PCDH9: variants seen among roughly 807,000 people sequenced by gnomAD.
PCDH9 encodes the protein protocadherin 9, also known as protocadherin-9.
Under a neutral mutation model 70.6 loss-of-function variants are expected in PCDH9, and 24 were observed. The observed-to-expected ratio is 0.34, with a 90% CI of 0.25 to 0.48. The LOEUF is 0.48. PCDH9 is among the 20% of genes least tolerant of loss of function. The pLI, the probability that PCDH9 is intolerant of heterozygous loss-of-function variation, is 0.99. For missense variants in PCDH9, 1,281 were observed against 1,503.6 expected, an observed-to-expected ratio of 0.85 and a Z score of 2.45; for synonymous variants, 562 against 558.5, an observed-to-expected ratio of 1.01 and a Z score of -0.09.
chr13:67,152,069 T>A (rs2087676496), intron 2 of PCDH9, among the ~76,000 whole-genome samples: 1 of 152,234 alleles, frequency 6.6e-6, no homozygotes, highest in Non-Finnish European at 1.5e-5. Context: ...TTGTATCTTC[T>A]TATAGCTGAA....
rs758654663 is a variant in PCDH9, at chr13:67,226,032, A to G, written c.2409T>C (p.Ser803=). 3.1e-6 allele frequency: 5 copies of G among 1,614,080 alleles called. No individual in the cohort carries two copies. In the Admixed American group the frequency reaches 6.7e-5, roughly 22 times the overall value. The change falls in exon 2 of 5, where the codon AGT becomes AGC. Residue 803 remains serine (S), a synonymous_variant. Coordinates refer to ENST00000377865, the MANE Select transcript of PCDH9 (RefSeq NM_203487.3). The surrounding 1 kb of genome is among the most constrained non-coding windows in gnomAD (Gnocchi z 5.0). The part of the protein sequence containing the change: ...ETPLDRNIGD[S]SQPYQNEDYL... ...AGTCCTCATTTTGATAGGGTTGGCT[A>G]CTATCCCCTATGTTCCTGTCCAACG...
intron 4 of PCDH9, among the ~76,000 whole-genome samples, chr13:66,560,309 G>C (rs1374391186): frequency 6.6e-6 from 1 of 152,054 alleles, no homozygotes; most frequent in Non-Finnish European, 1.5e-5. Context: ...TGCATGGGAA[G>C]GGGGAGGGGT....
At chr13:66,474,440 G>T (rs531793766) in intron 4 of PCDH9, among the ~76,000 whole-genome samples, 1 of 152,024 alleles carries the variant, frequency 6.6e-6, no homozygotes, top group East Asian at 1.9e-4. Context: ...ACTAACACAA[G>T]GTATAGTAGC....
chr13:66,580,724 C>A (rs566956552), intron 4 of PCDH9, among the ~76,000 whole-genome samples: 2 of 152,022 alleles, frequency 1.3e-5, no homozygotes, highest in South Asian at 4.2e-4. Context: ...GCCATAGAAA[C>A]GTACACTTTA....
At chr13:66,987,217 A>G (rs1404528415) in intron 2 of PCDH9, among the ~76,000 whole-genome samples, 1 of 152,016 alleles carries the variant, frequency 6.6e-6, no homozygotes, top group Non-Finnish European at 1.5e-5. Context: ...TAATATGTAT[A>G]TTTTGAGCTT....
intron 2 of PCDH9, among the ~76,000 whole-genome samples, chr13:67,100,291 A>T (rs2086405945): frequency 6.6e-6 from 1 of 152,192 alleles, no homozygotes; most frequent in Admixed American, 6.5e-5. Context: ...TAAAGAGGTA[A>T]TTTACTGAGT....
chr13:67,012,332 A>C (rs1317949332), intron 2 of PCDH9, among the ~76,000 whole-genome samples: 1 of 151,830 alleles, frequency 6.6e-6, no homozygotes, highest in African/African-American at 2.4e-5. Context: ...TATGTGTGAG[A>C]GAAAGAGAGA....
At chr13:67,125,489 A>G (rs998940450) in intron 2 of PCDH9, among the ~76,000 whole-genome samples, 2 of 152,298 alleles carry the variant, frequency 1.3e-5, no homozygotes, top group Non-Finnish European at 2.9e-5. Context: ...CCTTTGTTAC[A>G]GAAATATTAA....
chr13:66,929,331 A>G (rs1221325353), intron 2 of PCDH9, among the ~76,000 whole-genome samples: 2 of 151,122 alleles, frequency 1.3e-5, no homozygotes, highest in Non-Finnish European at 3.0e-5. Flanking sequence ...TTAATTTTTT[A>G]TATATTTTTT....
intron 2 of PCDH9, among the ~76,000 whole-genome samples, chr13:66,958,737 T>A (rs2083300656): frequency 1.3e-5 from 2 of 152,172 alleles, no homozygotes; most frequent in Non-Finnish European, 2.9e-5. Context: ...GGCACAGAGC[T>A]TTGCTGCTGT....
chr13:66,756,864 C>A (rs2139238916), intron 3 of PCDH9, among the ~76,000 whole-genome samples: 1 of 152,170 alleles, frequency 6.6e-6, no homozygotes, highest in African/African-American at 2.4e-5. Context: ...AGACAGAGTC[C>A]TAGCTCCATC....
intron 3 of PCDH9, among the ~76,000 whole-genome samples, chr13:66,674,370 T>C (rs2078215600): frequency 6.6e-6 from 1 of 152,096 alleles, no homozygotes. Flanking sequence ...GAACAATTTA[T>C]ATTGCTAGCA....
rs551542423 is a variant in PCDH9, at chr13:67,121,884, G to GT, written c.3036+103520dup. ...GCTCTAGATTTTTGTTTGTTTTGTT[G>GT]TTTTTTTAAAATGGCATCCTTGATT... On this transcript the variant is annotated intron_variant, in intron 2 of 4. Transcript: ENST00000377865. 2.6e-3 allele frequency among the ~76,000 whole-genome samples: 389 copies of GT among 151,112 alleles called. 3 individuals carry two copies. Among genetic ancestry groups the GT allele is most frequent in the African/African-American group, 9.0e-3 (368 of 40,684 alleles).
rs1439397157 is a variant in PCDH9, at chr13:67,059,368, G to GTA, written c.3037-155764_3037-155763insTA. Among the ~76,000 whole-genome samples, 146 of 121,082 alleles carry GTA rather than the reference G, an allele frequency of 1.2e-3. 7 individuals carry two copies. The South Asian group carries it at 0.041, about 34-fold the overall frequency. 79.4% of individuals were successfully genotyped at this position (121,082 alleles called of 152,430 possible). ...TATATATATATTATATATATATAGT[G>GTA]TGTATATATATATATAGTATATAGT... On this transcript the variant is annotated intron_variant, in intron 2 of 4. Transcript: ENST00000377865.
chr13:66,336,487 A>G (rs1208988159), intron 4 of PCDH9, among the ~76,000 whole-genome samples: 3 of 152,080 alleles, frequency 2.0e-5, no homozygotes, highest in Middle Eastern at 3.2e-3. Context: ...TTTGGAATTA[A>G]AAGTTTATTA....
At chr13:66,770,018 C>A (rs7337592) in intron 3 of PCDH9, among the ~76,000 whole-genome samples, 1 of 151,758 alleles carries the variant, frequency 6.6e-6, no homozygotes, top group African/African-American at 2.4e-5. Flanking sequence ...TAAAAACAAA[C>A]CTCTATTGAG....
intron 2 of PCDH9, among the ~76,000 whole-genome samples, chr13:67,051,461 C>T (rs937576082): frequency 4.6e-5 from 6 of 130,316 alleles, no homozygotes; most frequent in African/African-American, 6.0e-5. Context: ...GGTGTGATCT[C>T]GGCTCACTGC....
At chr13:66,902,541 C>T (rs1261242733) in intron 3 of PCDH9, among the ~76,000 whole-genome samples, 5 of 151,440 alleles carry the variant, frequency 3.3e-5, no homozygotes, top group Admixed American at 6.6e-5. Context: ...AGGGGACCTA[C>T]GTTCTGTAAG....
intron 4 of PCDH9, among the ~76,000 whole-genome samples, chr13:66,468,979 G>C (rs1284064082): frequency 2.0e-5 from 3 of 152,130 alleles, no homozygotes; most frequent in Non-Finnish European, 4.4e-5. Context: ...CCTAATGTAA[G>C]TAGGGGCATT....
Sources: gnomAD v4.1 joint callset for allele counts (sites outside exome capture counted in the v4.1 genomes callset) on GRCh38, gnomAD v4.1.1 for gene constraint, Gnocchi (gnomAD v3.1) non-coding constraint, MANE v1.5 for transcripts, NCBI Gene and HGNC (gene_info 2026-07-23, HGNC 2026-07-21) for gene names.